The following MTURN variants were observed in gnomAD, a reference collection of about 807,000 sequenced individuals.
MTURN encodes the protein maturin.
Under a neutral mutation model 14.9 loss-of-function variants are expected in MTURN, and 7 were observed. The ratio of observed to expected loss-of-function variants is 0.47; its 90% CI spans 0.27 to 0.88. The LOEUF is 0.88. Among genes scored for constraint, MTURN ranks in the 40% least tolerant of loss-of-function variants. MTURN has a pLI of 0.14. For missense variants in MTURN, 151 were observed against 174.1 expected (o/e 0.87, Z 0.75); for synonymous variants, 69 against 72.5 (o/e 0.95, Z 0.25).
chr7:30,151,030 C>T (rs1797203886), intron 2 of MTURN, among the ~76,000 whole-genome samples: 1 of 152,194 alleles, frequency 6.6e-6, no homozygotes, highest in African/African-American at 2.4e-5. Flanking sequence ...TTTCTGGCTC[C>T]TAACAGGTAT....
rs1306203298 is a variant in MTURN at position 30,162,232 on chromosome 7, T to C, written c.*4684T>C. 2.0e-5 allele frequency: 3 copies of C among 152,232 alleles called. No homozygotes were observed. The highest frequency in any genetic ancestry group is 7.2e-5 in the African/African-American group (3 of 41,466). The allele number at this position is 152,232 out of a possible 1,614,324, so 9.4% of individuals were successfully genotyped here. On this transcript the variant is annotated 3_prime_UTR_variant, in exon 3 of 3. Coordinates refer to ENST00000324453, the MANE Select transcript of MTURN (RefSeq NM_152793.3). ...AGCTGACAGTCTGTTCTTTGTAAAC[T>C]GCCTTTCCCTGTTTTTCTGTTTTGT...
rs572459008 is a variant in MTURN at position 30,159,762 on chromosome 7, C to G, written c.*2214C>G. ...ATCGAATTGTTTCTTCTAAGACTTCCTTTTTCTGAATGTGTGCACATCCCT... is the reference window on the plus strand; with the variant it reads ...ATCGAATTGTTTCTTCTAAGACTTCGTTTTTCTGAATGTGTGCACATCCCT... On this transcript the variant is annotated 3_prime_UTR_variant, in exon 3 of 3. Transcript: ENST00000324453. 3.3e-5 allele frequency: 5 copies of G among 152,796 alleles called. No homozygotes were observed. In the East Asian group the frequency reaches 9.6e-4, roughly 29 times the overall value. The allele number at this position is 152,796 out of a possible 1,614,324, so 9.5% of individuals were successfully genotyped here.
intron 1 of MTURN, among the ~76,000 whole-genome samples, chr7:30,145,061 A>G (rs1464130081): frequency 1.3e-5 from 2 of 149,752 alleles, no homozygotes; most frequent in African/African-American, 2.5e-5. Flanking sequence ...TTGCTTAGAT[A>G]TGCAGGGCAG....
chr7:30,146,290 T>C lies in MTURN; in HGVS notation c.276T>C (p.Ser92=). The change falls in exon 2 of 3, where the codon TCT becomes TCC. Residue 92 remains serine, a synonymous_variant. Transcript: ENST00000324453. ...AAGTCCTGGAAAAAGTCTTCAAGTC[T>C]TTCAGACCTGTAGGTGCCTGCTTGG... ...LHEVLEKVFK[S]FRPLLGLPDA... 6.2e-7 allele frequency: 1 copy of C among 1,614,006 alleles called. No homozygotes were observed. Among genetic ancestry groups the C allele is most frequent in the South Asian group, 1.1e-5 (1 of 91,088 alleles).
At chr7:30,135,460 G>C (rs1474144647) in intron 1 of MTURN, among the ~76,000 whole-genome samples, 162 bp downstream of exon 1, 1 of 150,998 alleles carries the variant, frequency 6.6e-6, no homozygotes, top group Non-Finnish European at 1.5e-5. Flanking sequence ...GCCCCGGGCC[G>C]GGCGGTGCGG....
intron 1 of MTURN, among the ~76,000 whole-genome samples, chr7:30,143,485 A>C (rs191215462): frequency 6.6e-6 from 1 of 151,856 alleles, no homozygotes; most frequent in Non-Finnish European, 1.5e-5. Context: ...CCTTGTTATG[A>C]GATACAATGG....
At chr7:30,148,732 G>GA (rs1244173408) in intron 2 of MTURN, among the ~76,000 whole-genome samples, 9 of 146,372 alleles carry the variant, frequency 6.1e-5, no homozygotes, top group Non-Finnish European at 4.5e-5. Context: ...GCAGTGAAGG[G>GA]AATGGCCTAG....
chr7:30,155,767 G>A (rs184410069), intron 2 of MTURN, among the ~76,000 whole-genome samples: 33 of 152,322 alleles, frequency 2.2e-4, no homozygotes, highest in African/African-American at 7.2e-4. Flanking sequence ...ATAGGGTGCT[G>A]GGAGACCTGG....
chr7:30,147,423 G>T (rs1453875258), intron 2 of MTURN, among the ~76,000 whole-genome samples: 1 of 152,212 alleles, frequency 6.6e-6, no homozygotes, highest in Non-Finnish European at 1.5e-5. Flanking sequence ...GCTCCCGGGG[G>T]TGAGAAGGCA....
intron 2 of MTURN, among the ~76,000 whole-genome samples, chr7:30,154,062 G>A (rs1797249831): frequency 6.6e-6 from 1 of 152,082 alleles, no homozygotes. Context: ...GGTTCAAGAG[G>A]CCAAAGAAGA....
chr7:30,149,129 C>T (rs1224936805), intron 2 of MTURN, among the ~76,000 whole-genome samples: 1 of 152,108 alleles, frequency 6.6e-6, no homozygotes, highest in Non-Finnish European at 1.5e-5. Context: ...ATTTTGGCAA[C>T]CAGGCTAGCC....
intron 2 of MTURN, 135 bp downstream of exon 2, chr7:30,146,434 G>C: frequency 7.8e-7 from 1 of 1,281,862 alleles, no homozygotes. Flanking sequence ...GTGGCTTAGA[G>C]ATAGCAGCCA....
intron 2 of MTURN, among the ~76,000 whole-genome samples, chr7:30,149,591 C>T (rs950332494): frequency 1.3e-5 from 2 of 152,174 alleles, no homozygotes; most frequent in African/African-American, 4.8e-5. Flanking sequence ...CACTCTCCAC[C>T]TCCACCAAAT....
chr7:30,142,506 C>T (rs112422764), intron 1 of MTURN, among the ~76,000 whole-genome samples: 73 of 152,260 alleles, frequency 4.8e-4, no homozygotes, highest in African/African-American at 1.6e-3. Flanking sequence ...AAAGTGTGGT[C>T]CCAGAACCAG....
chr7:30,144,769 GAAGA>G (rs1245866250), intron 1 of MTURN, among the ~76,000 whole-genome samples: 2 of 152,110 alleles, frequency 1.3e-5, no homozygotes, highest in Admixed American at 6.5e-5. Context: ...CCTGCAATGA[GAAGA>G]AAGGAGAGGA....
chr7:30,140,417 A>ATATATATATATATATATATG (rs1163371256), intron 1 of MTURN, among the ~76,000 whole-genome samples: 1 of 17,120 alleles, frequency 5.8e-5, no homozygotes, highest in Non-Finnish European at 2.3e-4. Context: ...GTGTGTGTGT[A>ATATATATATATATATATATG]TCCCCATTTG....
intron 2 of MTURN, among the ~76,000 whole-genome samples, chr7:30,150,386 T>G (rs577956089): frequency 2.0e-5 from 3 of 152,260 alleles, no homozygotes; most frequent in South Asian, 2.1e-4. Flanking sequence ...TTATCAACAT[T>G]GGTTTTGGTA....
chr7:30,140,132 C>T (rs1305230816), intron 1 of MTURN, among the ~76,000 whole-genome samples: 2 of 152,102 alleles, frequency 1.3e-5, no homozygotes, highest in East Asian at 1.9e-4. Context: ...TCTTAGGCCA[C>T]GAGAAATGAG....
At chr7:30,137,366 G>A (rs918791360) in intron 1 of MTURN, 12 of 316,784 alleles carry the variant, frequency 3.8e-5, no homozygotes, top group Admixed American at 1.2e-4. Flanking sequence ...GACAGTAAGT[G>A]GGCCAGGAAG....
Sources: allele counts gnomAD v4.1 joint callset (sites outside exome capture counted in the v4.1 genomes callset), GRCh38; gene constraint gnomAD v4.1.1; transcripts MANE v1.5; gene names NCBI Gene and HGNC (gene_info 2026-07-23, HGNC 2026-07-21).